Variants in EXOC4 observed in about 807,000 individuals in gnomAD.
EXOC4 encodes the protein SEC8-like 1.
Under a neutral mutation model 107.2 loss-of-function variants are expected in EXOC4, and 71 were observed. That is an observed-to-expected ratio of 0.66 (90% CI 0.55 to 0.81). The LOEUF is 0.81. Ranked by LOEUF, EXOC4 falls within the 30% of genes least tolerant of loss-of-function variation. The probability of loss-of-function intolerance (pLI) is 0.00; values close to 1 mark genes in which losing one functional copy is unlikely to be tolerated. For missense variants in EXOC4, 1,108 were observed against 1,189.6 expected, an observed-to-expected ratio of 0.93 and a Z score of 1.01; for synonymous variants, 456 against 441.2, an observed-to-expected ratio of 1.03 and a Z score of -0.42.
intron 3 of EXOC4, among the ~76,000 whole-genome samples, chr7:133,293,394 C>T (rs1049565411): frequency 6.6e-6 from 1 of 152,240 alleles, no homozygotes; most frequent in East Asian, 1.9e-4. Context: ...GGGTCCAAAT[C>T]GAAATCTTTG....
At chr7:133,881,268 CCAA>C (rs1271777369) in intron 11 of EXOC4, among the ~76,000 whole-genome samples, 1 of 151,550 alleles carries the variant, frequency 6.6e-6, no homozygotes, top group Admixed American at 6.6e-5. Flanking sequence ...ACATACCCCC[CCAA>C]CCCCACTCCC....
Position 133,823,521 on chromosome 7 carries a change from A to G in EXOC4, c.1734+5977A>G, listed in dbSNP as rs543424897. ...TGCTGGCAGAGAGAGTACATCAAAA[A>G]TTATTGTTGAAGGCTGGGCATGGTG... On this transcript the variant is annotated intron_variant, in intron 11 of 17. Coordinates refer to ENST00000253861, the MANE Select transcript of EXOC4 (RefSeq NM_021807.4). 1.6e-4 allele frequency among the ~76,000 whole-genome samples: 24 copies of G among 151,950 alleles called. No individual in the cohort carries two copies. In the East Asian group the frequency reaches 3.5e-3, roughly 22 times the overall value.
At chr7:133,827,145 A>T (rs1797722181) in intron 11 of EXOC4, among the ~76,000 whole-genome samples, 1 of 152,238 alleles carries the variant, frequency 6.6e-6, no homozygotes, top group Non-Finnish European at 1.5e-5. Context: ...ATGGAATAGG[A>T]AATTGACCAG....
At chr7:133,376,727 G>A (rs1236540559) in intron 7 of EXOC4, among the ~76,000 whole-genome samples, 1 of 152,218 alleles carries the variant, frequency 6.6e-6, no homozygotes, top group South Asian at 2.1e-4. Flanking sequence ...AGACCAGCCA[G>A]TGTGGGGAAA....
At chr7:133,640,688 G>T (rs559221138) in intron 10 of EXOC4, among the ~76,000 whole-genome samples, 1 of 152,116 alleles carries the variant, frequency 6.6e-6, no homozygotes, top group South Asian at 2.1e-4. Context: ...AAAAGCTAGC[G>T]GAGCAAAAAT....
intron 9 of EXOC4, among the ~76,000 whole-genome samples, chr7:133,484,422 G>A (rs923642624): frequency 6.6e-6 from 1 of 152,066 alleles, no homozygotes; most frequent in Admixed American, 6.6e-5. Context: ...AGCAGTGCTG[G>A]GAGTGAAGAA....
At chr7:133,315,822 T>C (rs530871004) in intron 4 of EXOC4, among the ~76,000 whole-genome samples, 52 of 152,314 alleles carry the variant, frequency 3.4e-4, no homozygotes, top group African/African-American at 1.2e-3. Flanking sequence ...TTTTAACAAT[T>C]GGAAATATGC....
intron 7 of EXOC4, chr7:133,447,383 T>A (rs991870065): frequency 6.6e-6 from 1 of 152,106 alleles, no homozygotes; most frequent in Non-Finnish European, 1.5e-5. Flanking sequence ...AGTGCTCCAC[T>A]CTGTTTTTGT....
At chr7:133,505,363 A>C (rs1046220528) in intron 9 of EXOC4, among the ~76,000 whole-genome samples, 2 of 152,042 alleles carry the variant, frequency 1.3e-5, no homozygotes, top group African/African-American at 4.8e-5. Context: ...TTTTTTCAAA[A>C]TTATGGTTTC....
At chr7:134,039,651 C>T (rs2071308979) in intron 17 of EXOC4, among the ~76,000 whole-genome samples, 1 of 152,122 alleles carries the variant, frequency 6.6e-6, no homozygotes, top group African/African-American at 2.4e-5. Context: ...TCCTTGCTGC[C>T]CCAGTACAAT....
chr7:133,540,914 T>C (rs1800366998), intron 9 of EXOC4, among the ~76,000 whole-genome samples: 1 of 152,338 alleles, frequency 6.6e-6, no homozygotes, highest in East Asian at 1.9e-4. Flanking sequence ...TTTTACACAA[T>C]GAATCGAAGC....
chr7:134,082,728 C>T, the EXOC4 span, among the ~76,000 whole-genome samples: 5 of 152,164 alleles, frequency 3.3e-5, no homozygotes, highest in Non-Finnish European at 5.9e-5. Context: ...CATGACCCAC[C>T]GTACCCGGCC....
intron 13 of EXOC4, among the ~76,000 whole-genome samples, chr7:133,936,896 GGCAATCCACCT>G (rs1323287535): frequency 6.6e-6 from 1 of 152,048 alleles, no homozygotes; most frequent in Non-Finnish European, 1.5e-5. Flanking sequence ...CCTGAGCTCA[GGCAATCCACCT>G]GCCTCAGCCT....
At chr7:133,899,988 C>T (rs1029407015) in intron 12 of EXOC4, among the ~76,000 whole-genome samples, 22 of 152,002 alleles carry the variant, frequency 1.4e-4, no homozygotes, top group African/African-American at 4.8e-4. Flanking sequence ...TGGCCTCAAG[C>T]GATTCTCCCA....
chr7:133,511,826 C>G (rs1484139232), intron 9 of EXOC4, among the ~76,000 whole-genome samples: 2 of 151,576 alleles, frequency 1.3e-5, no homozygotes, highest in African/African-American at 4.9e-5. Context: ...ATTCTGGTTC[C>G]CTTAAGTATA....
intron 5 of EXOC4, among the ~76,000 whole-genome samples, chr7:133,338,008 T>C (rs1055468723): frequency 1.2e-5 from 1 of 86,760 alleles, no homozygotes; most frequent in Non-Finnish European, 3.0e-5. Flanking sequence ...TTAGGTTTTC[T>C]TTCTTTTTTT....
At chr7:133,928,316 T>C (rs1228587113) in intron 13 of EXOC4, among the ~76,000 whole-genome samples, 2 of 152,084 alleles carry the variant, frequency 1.3e-5, no homozygotes, top group Non-Finnish European at 2.9e-5. Flanking sequence ...CAGGCAGAAG[T>C]GTTCCTGAGA....
chr7:133,306,130 CA>C (rs1341411669), intron 4 of EXOC4, 69 bp downstream of exon 4: 21 of 1,313,786 alleles, frequency 1.6e-5, no homozygotes, highest in African/African-American at 4.5e-5. Context: ...TTTTGTTTCC[CA>C]GAATGTTGTT....
chr7:133,856,896 C>T (rs560118286), intron 11 of EXOC4, among the ~76,000 whole-genome samples: 13 of 151,174 alleles, frequency 8.6e-5, no homozygotes, highest in Middle Eastern at 3.4e-3. Context: ...GTCAGGAGAT[C>T]GAGACCATCC....
Sources: allele counts gnomAD v4.1 joint callset (sites outside exome capture counted in the v4.1 genomes callset), GRCh38; gene constraint gnomAD v4.1.1; transcripts MANE v1.5; gene names NCBI Gene and HGNC (gene_info 2026-07-23, HGNC 2026-07-21).